ARHGAP32: variants seen among roughly 807,000 people sequenced by gnomAD.
The protein encoded by ARHGAP32 is rho GTPase-activating protein 32.
In ARHGAP32, 51 loss-of-function variants were observed where a neutral mutation model predicts 186.5. The observed-to-expected ratio is 0.27, with a 90% confidence interval of 0.22 to 0.35. The LOEUF (loss-of-function observed/expected upper bound fraction) is 0.35, where lower values mean the gene tolerates loss of function less well. Ranked by LOEUF, ARHGAP32 falls within the 10% of genes least tolerant of loss-of-function variation. ARHGAP32 has a pLI of 1.00. For synonymous variants in ARHGAP32, 950 were observed against 964.3 expected (o/e 0.99, Z 0.27); for missense variants, 2,186 against 2,623.5 (o/e 0.83, Z 3.64).
intron 2 of ARHGAP32, among the ~76,000 whole-genome samples, chr11:129,162,178 G>C (rs1239554965): frequency 6.6e-6 from 1 of 152,050 alleles, no homozygotes; most frequent in Non-Finnish European, 1.5e-5. Flanking sequence ...ATAGCATTAG[G>C]AGAAATACCT....
chr11:129,174,370 C>T (rs529031865), intron 1 of ARHGAP32, among the ~76,000 whole-genome samples: 3 of 152,280 alleles, frequency 2.0e-5, no homozygotes, highest in African/African-American at 4.8e-5. Flanking sequence ...CGGGGAGGGG[C>T]GCCCACCATT....
At chr11:128,972,340 G>A (rs1945400532) in intron 22 of ARHGAP32, 113 bp downstream of exon 22, 2 of 1,251,496 alleles carry the variant, frequency 1.6e-6, no homozygotes, top group East Asian at 4.8e-5. Context: ...ACCAGCCACA[G>A]GGCTTAAAAG....
At chr11:129,109,822 ATTTGTTTGAATTCC>A (rs902511895) in intron 5 of ARHGAP32, among the ~76,000 whole-genome samples, 1 of 151,068 alleles carries the variant, frequency 6.6e-6, no homozygotes, top group African/African-American at 2.4e-5. Flanking sequence ...TTTGCTGTTG[ATTTGTTTGAATTCC>A]TTGTATAACT....
rs912623186 is a variant in ARHGAP32 at position 129,057,808 on chromosome 11, A to G, written c.963+4472T>C. 5.9e-5 allele frequency among the ~76,000 whole-genome samples: 9 copies of G among 152,078 alleles called. No individual in the cohort carries two copies. The East Asian group carries it at 1.5e-3, about 26-fold the overall frequency. On this transcript the variant is annotated intron_variant, in intron 10 of 22. Transcript: ENST00000682385. ...AGAGATGGGAACTTTTAAAGAGGTA[A>G]TTAGGTTAAATGAGGTGGCCCCTAA...
At position 129,222,370 on chromosome 11, in the gene ARHGAP32, G is replaced by A. The variant is rs113943732; in HGVS notation, c.-5+56776C>T. 1.6e-4 allele frequency among the ~76,000 whole-genome samples: 25 copies of A among 152,182 alleles called. 1 individual carries two copies. Among genetic ancestry groups the A allele is most frequent in the African/African-American group, 6.0e-4 (25 of 41,504 alleles). On this transcript the variant is annotated intron_variant, in intron 1 of 6. Transcript: ENST00000525234. ...CAGACAGGTTAAGCAACTTTCCCAA[G>A]GACACAACGCTACTAAGTAAAAAAG...
chr11:128,989,657 C>A (rs980875962), intron 12 of ARHGAP32, among the ~76,000 whole-genome samples: 8 of 151,968 alleles, frequency 5.3e-5, no homozygotes, highest in Non-Finnish European at 1.0e-4. Context: ...GTTTGCTGCA[C>A]CCATCAACCC....
At chr11:129,229,206 C>T (rs555139477) in intron 1 of ARHGAP32, among the ~76,000 whole-genome samples, 404 of 152,186 alleles carry the variant, frequency 2.7e-3, no homozygotes, top group African/African-American at 9.2e-3. Flanking sequence ...TTAACTTGGG[C>T]ATTATTGCAA....
chr11:129,073,782 C>CA (rs34701880), intron 6 of ARHGAP32, among the ~76,000 whole-genome samples: 167 of 147,592 alleles, frequency 1.1e-3, no homozygotes, highest in African/African-American at 3.2e-3. Context: ...ACAACAACAA[C>CA]AAAAAAAAAC....
At chr11:129,019,370 T>C (rs909101679) in intron 11 of ARHGAP32, among the ~76,000 whole-genome samples, 3 of 152,230 alleles carry the variant, frequency 2.0e-5, no homozygotes, top group African/African-American at 7.2e-5. Context: ...GGGCTTTACA[T>C]GTATTAACTA....
chr11:129,234,273 G>C (rs1944897401), intron 1 of ARHGAP32, among the ~76,000 whole-genome samples: 1 of 151,948 alleles, frequency 6.6e-6, no homozygotes, highest in Non-Finnish European at 1.5e-5. Context: ...GTTAAATATT[G>C]ATCTGAAAGA....
chr11:129,167,711 A>G (rs2508627), intron 1 of ARHGAP32, among the ~76,000 whole-genome samples: 135,490 of 152,218 alleles, frequency 0.89, 60,604 homozygotes, highest in African/African-American at 0.97. Context: ...TCCAGAGGCT[A>G]AGGAGATGGA....
chr11:129,020,230 G>A (rs1424877941), intron 11 of ARHGAP32, among the ~76,000 whole-genome samples: 1 of 151,760 alleles, frequency 6.6e-6, no homozygotes, highest in East Asian at 1.9e-4. Flanking sequence ...GAAAAAGGCT[G>A]GTATAAAAAT....
intron 1 of ARHGAP32, among the ~76,000 whole-genome samples, chr11:129,176,945 A>G (rs1943929320): frequency 6.6e-6 from 1 of 151,934 alleles, no homozygotes; most frequent in African/African-American, 2.4e-5. Flanking sequence ...TCAGAGCAGA[A>G]CTGAAGGAAA....
intron 5 of ARHGAP32, among the ~76,000 whole-genome samples, chr11:129,117,835 A>G (rs552458914): frequency 1.3e-5 from 2 of 151,856 alleles, no homozygotes; most frequent in South Asian, 4.2e-4. Context: ...CAAACTCATC[A>G]TTTCTTTGCG....
At chr11:129,031,955 G>A (rs949476311) in intron 11 of ARHGAP32, among the ~76,000 whole-genome samples, 3 of 152,110 alleles carry the variant, frequency 2.0e-5, no homozygotes, top group African/African-American at 7.2e-5. Context: ...GAGTTCAGCT[G>A]GGCATGGTCA....
intron 11 of ARHGAP32, chr11:129,023,997 C>T: frequency 3.0e-6 from 3 of 985,414 alleles, no homozygotes; most frequent in Non-Finnish European, 3.6e-6. Flanking sequence ...CAACTGGTTC[C>T]AACCTCACCA....
intron 5 of ARHGAP32, among the ~76,000 whole-genome samples, chr11:129,112,313 G>A (rs771146952): frequency 1.3e-5 from 2 of 151,642 alleles, no homozygotes; most frequent in Non-Finnish European, 2.9e-5. Flanking sequence ...GCTTTTCTCT[G>A]CCTGTTTTCA....
intron 1 of ARHGAP32, among the ~76,000 whole-genome samples, chr11:129,218,623 GA>G (rs1944674322): frequency 6.6e-6 from 1 of 152,142 alleles, no homozygotes; most frequent in African/African-American, 2.4e-5. Context: ...ACAGAAAAGG[GA>G]CAGAATACAT....
chr11:129,179,001 C>G (rs1361337991), intron 1 of ARHGAP32, among the ~76,000 whole-genome samples: 3 of 151,578 alleles, frequency 2.0e-5, no homozygotes, highest in African/African-American at 7.3e-5. Flanking sequence ...TCAGAGTGAA[C>G]AGGCAACCTA....
Sources: allele counts gnomAD v4.1 joint callset (sites outside exome capture counted in the v4.1 genomes callset), GRCh38; gene constraint gnomAD v4.1.1; transcripts MANE v1.5; gene names NCBI Gene and HGNC (gene_info 2026-07-23, HGNC 2026-07-21).